The following NXN variants were observed in gnomAD, a reference collection of about 807,000 sequenced individuals.
NXN encodes nucleoredoxin 1.
NXN carries 16 observed loss-of-function variants against 48.6 expected under a neutral mutation model. The ratio of observed to expected loss-of-function variants is 0.33; its 90% CI spans 0.22 to 0.50. NXN has a LOEUF of 0.50. NXN is among the 20% of genes least tolerant of loss of function. The pLI, the probability that NXN is intolerant of heterozygous loss-of-function variation, is 0.98. For missense variants in NXN, 492 were observed against 605.5 expected, an observed-to-expected ratio of 0.81 and a Z score of 1.97; for synonymous variants, 281 against 269.6, an observed-to-expected ratio of 1.04 and a Z score of -0.41.
At chr17:884,567 T>C (rs1355020099) in intron 1 of NXN, among the ~76,000 whole-genome samples, 1 of 152,102 alleles carries the variant, frequency 6.6e-6, no homozygotes, top group Non-Finnish European at 1.5e-5. Context: ...CACAAAGATT[T>C]GATGGCCACA....
chr17:871,438 C>A (rs1020999873), intron 1 of NXN, among the ~76,000 whole-genome samples: 1 of 121,534 alleles, frequency 8.2e-6, no homozygotes, highest in South Asian at 2.7e-4. Context: ...GGATTCTCAT[C>A]GTGTCCCCCA....
intron 1 of NXN, among the ~76,000 whole-genome samples, chr17:921,537 G>C (rs1460234448): frequency 6.6e-6 from 1 of 152,124 alleles, no homozygotes; most frequent in African/African-American, 2.4e-5. Flanking sequence ...TGAATGCTGG[G>C]GGTGATGGTT....
rs71357135 is a variant in NXN at position 940,962 on chromosome 17, T to C, written c.360+38357A>G. ...ACATCACACCTTCCTGGATTTACAG[T>C]GAACAAGATTCCAGGGTGCAGCCAT... On this transcript the variant is annotated intron_variant, in intron 1 of 7. Transcript: ENST00000336868. Among the ~76,000 whole-genome samples, 64 of 98,508 alleles carry C rather than the reference T, an allele frequency of 6.5e-4. 1 individual carries two copies. Among genetic ancestry groups the C allele is most frequent in the African/African-American group, 2.0e-3 (44 of 22,444 alleles). 64.6% of individuals were successfully genotyped at this position (98,508 alleles called of 152,430 possible). A position where few individuals can be genotyped will look rare whatever the true frequency, so the allele number is the denominator to read the frequency against.
At position 849,928 on chromosome 17, in the gene NXN, G is replaced by A. The variant is rs542401562; in HGVS notation, c.361-23850C>T. Among the ~76,000 whole-genome samples, 3 of 152,166 alleles carry A rather than the reference G, an allele frequency of 2.0e-5. No individual in the cohort carries two copies. In the South Asian group the frequency reaches 6.2e-4, roughly 32 times the overall value. On this transcript the variant is annotated intron_variant, in intron 1 of 7. Transcript: ENST00000336868. This position sits in a 1 kb window ranked among gnomAD's most constrained non-coding sequence, Gnocchi z 4.2. Reference sequence around the variant, plus strand: ...CAGAGCCCCCAAGGAGCCCGAGAGCGACCTGCTCCTGAAACCCCAGGCTGG... The same window carrying A: ...CAGAGCCCCCAAGGAGCCCGAGAGCAACCTGCTCCTGAAACCCCAGGCTGG...
chr17:896,939 C>T (rs1299865119), intron 1 of NXN: 3 of 1,244,908 alleles, frequency 2.4e-6, no homozygotes, highest in Non-Finnish European at 3.1e-6. Flanking sequence ...TTTTCCCAAG[C>T]CAGTCCCCTC....
At chr17:873,883 G>C (rs1017651499) in intron 1 of NXN, among the ~76,000 whole-genome samples, 2 of 152,184 alleles carry the variant, frequency 1.3e-5, no homozygotes, top group African/African-American at 4.8e-5. Flanking sequence ...TTCTGGTGAG[G>C]ATGATCACGT....
At chr17:812,072 C>T (rs908654312) in intron 5 of NXN, among the ~76,000 whole-genome samples, 26 of 151,370 alleles carry the variant, frequency 1.7e-4, no homozygotes, top group African/African-American at 4.4e-4. Context: ...GGACTACAGG[C>T]GCCCGTCACC....
intron 1 of NXN, among the ~76,000 whole-genome samples, chr17:966,101 A>G (rs2069299512): frequency 6.6e-6 from 1 of 151,198 alleles, no homozygotes; most frequent in Non-Finnish European, 1.5e-5. Flanking sequence ...GGGCAACAGG[A>G]GCAAAATTCT....
At chr17:955,578 C>T (rs1413203710) in intron 1 of NXN, among the ~76,000 whole-genome samples, 6 of 146,914 alleles carry the variant, frequency 4.1e-5, no homozygotes, top group African/African-American at 1.5e-4. Context: ...CCCAGCCAGA[C>T]GCGGTGGCTC....
intron 1 of NXN, among the ~76,000 whole-genome samples, chr17:936,925 G>A (rs376889412): frequency 6.6e-6 from 1 of 151,964 alleles, no homozygotes; most frequent in Non-Finnish European, 1.5e-5. Flanking sequence ...CAGAAAGGCC[G>A]GGTACGGTGG....
chr17:901,943 A>G (rs1597226976), intron 1 of NXN, among the ~76,000 whole-genome samples: 1 of 151,768 alleles, frequency 6.6e-6, no homozygotes, highest in Non-Finnish European at 1.5e-5. Context: ...CAGGTGATCC[A>G]CCTGCCTCAG....
At chr17:817,435 C>T (rs535073467) in intron 5 of NXN, among the ~76,000 whole-genome samples, 116 of 152,124 alleles carry the variant, frequency 7.6e-4, no homozygotes, top group Non-Finnish European at 9.4e-4. Flanking sequence ...TTTGGGAGGC[C>T]GAGGTGGGCG....
At chr17:969,955 G>A (rs747984616) in intron 1 of NXN, among the ~76,000 whole-genome samples, 6 of 152,180 alleles carry the variant, frequency 3.9e-5, no homozygotes, top group Non-Finnish European at 7.3e-5. Flanking sequence ...TGTAATTGGT[G>A]CCTGTACTGA....
At chr17:904,012 T>A (rs57832740) in intron 1 of NXN, among the ~76,000 whole-genome samples, 22,624 of 152,206 alleles carry the variant, frequency 0.15, 1,819 homozygotes, top group East Asian at 0.28. Context: ...ACGCAGAACC[T>A]AGTTTTCTGA....
chr17:885,217 A>C (rs2068330143), intron 1 of NXN, among the ~76,000 whole-genome samples: 1 of 152,168 alleles, frequency 6.6e-6, no homozygotes. Context: ...TAATCCCAGC[A>C]TTTTGGGAGG....
At chr17:897,076 G>T in intron 1 of NXN, 1 of 1,061,994 alleles carries the variant, frequency 9.4e-7, no homozygotes, top group Non-Finnish European at 1.1e-6. Flanking sequence ...TTGACAGCCA[G>T]GGACTGGTAA....
At chr17:837,498 GGAGA>G (rs1425392131) in intron 1 of NXN, among the ~76,000 whole-genome samples, 1 of 152,214 alleles carries the variant, frequency 6.6e-6, no homozygotes, top group Non-Finnish European at 1.5e-5. Context: ...ACAGAGGAAG[GGAGA>G]GAGGAATCAC....
At chr17:935,339 C>T (rs1275311515) in intron 1 of NXN, among the ~76,000 whole-genome samples, 1 of 152,084 alleles carries the variant, frequency 6.6e-6, no homozygotes, top group African/African-American at 2.4e-5. Context: ...CCAATTCCTT[C>T]GTATCTGGGA....
At chr17:883,606 C>T (rs571887626) in intron 1 of NXN, among the ~76,000 whole-genome samples, 1 of 152,168 alleles carries the variant, frequency 6.6e-6, no homozygotes, top group South Asian at 2.1e-4. Context: ...GAAGCCAGGT[C>T]GATGCTGGAA....
Sources: gnomAD v4.1 joint callset for allele counts (sites outside exome capture counted in the v4.1 genomes callset) on GRCh38, gnomAD v4.1.1 for gene constraint, Gnocchi (gnomAD v3.1) non-coding constraint, MANE v1.5 for transcripts, NCBI Gene and HGNC (gene_info 2026-07-23, HGNC 2026-07-21) for gene names.